The following CSF2RB variants were observed in gnomAD, a reference collection of about 807,000 sequenced individuals.
CSF2RB encodes cytokine receptor common subunit beta.
In CSF2RB, 22 loss-of-function variants were observed where a neutral mutation model predicts 67.2. The ratio of observed to expected loss-of-function variants is 0.33; its 90% CI spans 0.23 to 0.47. CSF2RB has a LOEUF of 0.47. Ranked by LOEUF, CSF2RB falls within the 20% of genes least tolerant of loss-of-function variation. The pLI is 1.00. For synonymous variants in CSF2RB, 507 were observed against 482.9 expected (o/e 1.05, Z -0.65); for missense variants, 1,113 against 1,174.5 (o/e 0.95, Z 0.76).
intron 3 of CSF2RB, among the ~76,000 whole-genome samples, chr22:36,925,188 T>C (rs551029260): frequency 6.6e-6 from 1 of 152,330 alleles, no homozygotes; most frequent in Admixed American, 6.5e-5. Flanking sequence ...GTCTCTTTTG[T>C]CACCATTCCT....
At position 36,930,558 on chromosome 22, in the gene CSF2RB, T is replaced by C. The variant is rs775632483; in HGVS notation, c.854+48T>C. 19 of 1,611,758 alleles carry C rather than the reference T, an allele frequency of 1.2e-5. 1 individual carries two copies. In the South Asian group the frequency reaches 2.0e-4, roughly 17 times the overall value. ...CCCTCCCCTCCTCTTGGCCTTGCTC[T>C]CTCCAAGCTTCCTCCTGTCCCTGGG... On this transcript the variant is annotated intron_variant, in intron 7 of 13. Transcript: ENST00000403662.
chr22:36,932,891 C>T lies in CSF2RB; in HGVS notation c.1139C>T (p.Thr380Met), dbSNP rs772296886. 2.8e-5 allele frequency: 45 copies of T among 1,613,964 alleles called. No individual in the cohort carries two copies. The highest frequency in any genetic ancestry group is 7.7e-5 in the South Asian group (7 of 91,084). Residue 380 changes from threonine (T) to methionine (M), a missense_variant, in exon 9 of 14, where the codon ACG becomes ATG. By Grantham distance (81) the Thr-to-Met change is moderately conservative (BLOSUM62 -1). Coordinates refer to ENST00000403662, the MANE Select transcript of CSF2RB (RefSeq NM_000395.3). ...TTTGAGATCCAGTACAGGAAAGACA[C>T]GGCCACGTGGAAGGTGAGGGCCTTT... ...HTFEIQYRKD[T>M]ATWKDSKTET...
In CSF2RB at chr22:36,929,662, C is replaced by T. The variant is rs140679574; in HGVS notation, c.573C>T (p.Asn191=). ...SWEDAAILLS[N]TSQATLGPEH... ...AGGACGCAGCCATCCTCCTCTCCAA[C>T]ACCTCCCAGGCCACCCTGGGGCCAG... The change falls in exon 6 of 14, where the codon AAC becomes AAT. Residue 191 remains asparagine, a synonymous_variant. Coordinates refer to ENST00000403662, the MANE Select transcript of CSF2RB (RefSeq NM_000395.3). 1,133 of 1,614,242 alleles carry T rather than the reference C, an allele frequency of 7.0e-4. 6 individuals are homozygous for T. The African/African-American group carries it at 0.013, about 18-fold the overall frequency.
rs755780700 is a variant in CSF2RB at position 36,936,634 on chromosome 22, G to A, written c.1550G>A (p.Arg517His). The A allele has an allele frequency of 6.9e-5, 111 of 1,613,244 alleles. 3 individuals are homozygous for A. In the Admixed American group the frequency reaches 1.7e-3, roughly 25 times the overall value. ...CCACACCAGGGGCCGTGGGGCAGCC[G>A]CTTCCCTGAGCTGGAGGGGTGAGTG... is the stretch of plus-strand genomic sequence containing the variant. ...SPPHQGPWGS[R>H]FPELEGVFPV... The change falls in exon 13 of 14, where the codon CGC (arginine) becomes CAC (histidine). Residue 517 changes from arginine to histidine, a missense_variant. Physicochemically the swap from Arg to His is conservative, Grantham distance 29. Transcript: ENST00000403662.
Position 36,935,612 on chromosome 22 carries a change from C to A in CSF2RB, c.1407-18C>A. 1.2e-6 allele frequency: 2 copies of A among 1,614,194 alleles called. No individual in the cohort carries two copies. The stretch of plus-strand genomic sequence containing the variant: ...CCATGAGGTCTCTGATGGCTGTCAC[C>A]TCCGTGGTGTCTTCCAGGCTGCGCA... On this transcript the variant is annotated intron_variant, in intron 11 of 13. Transcript: ENST00000403662.
chr22:36,931,024 C>G (rs1464524385), intron 8 of CSF2RB, among the ~76,000 whole-genome samples, 194 bp downstream of exon 8: 1 of 152,196 alleles, frequency 6.6e-6, no homozygotes, highest in Non-Finnish European at 1.5e-5. Context: ...AGGAGCAGAT[C>G]TTTAAAACCT....
chr22:36,934,526 T>A (rs1168769225), intron 10 of CSF2RB, among the ~76,000 whole-genome samples: 1 of 152,208 alleles, frequency 6.6e-6, no homozygotes, highest in Non-Finnish European at 1.5e-5. Flanking sequence ...TACCAAGTTT[T>A]TGTGGTTGCT....
rs1372705855 is a variant in CSF2RB at position 36,937,121 on chromosome 22, C to G, written c.1569-256C>G. 1.3e-5 allele frequency among the ~76,000 whole-genome samples: 2 copies of G among 152,106 alleles called. No individual in the cohort carries two copies. Among genetic ancestry groups the G allele is most frequent in the African/African-American group, 4.8e-5 (2 of 41,394 alleles). On this transcript the variant is annotated intron_variant, in intron 13 of 13. Coordinates refer to ENST00000403662, the MANE Select transcript of CSF2RB (RefSeq NM_000395.3). This position sits in a 1 kb window ranked among gnomAD's most constrained non-coding sequence, Gnocchi z 4.6. ...CTTTAAGGTCAAAAGGGAGAGGGTA[C>G]CAGCCTTGCAGAGGAAGACCTTGAG...
At position 36,938,222 on chromosome 22, in the gene CSF2RB, CA is replaced by C; in HGVS notation, c.2416del (p.Thr806HisfsTer46). 6.2e-7 allele frequency: 1 copy of C among 1,614,164 alleles called. No homozygotes were observed. Among genetic ancestry groups the C allele is most frequent in the Non-Finnish European group, 8.5e-7 (1 of 1,179,994 alleles). On this transcript the variant is annotated frameshift_variant, in exon 14 of 14. Transcript: ENST00000403662. LOFTEE classifies it low-confidence loss of function (END_TRUNC). Reference sequence around the variant, plus strand: ...GGGGAACGCCCGGCAGATGTGTCCCCAACATCCCCACAGCCCGAGGGCCTCC... The same window carrying C: ...GGGGAACGCCCGGCAGATGTGTCCCCACATCCCCACAGCCCGAGGGCCTCC... The part of the protein sequence containing the change: ...NPGERPADVS[P>X]TSPQPEGLLV...
intron 7 of CSF2RB, 70 bp from the exon 8 acceptor site, chr22:36,930,603 C>T: frequency 6.2e-6 from 10 of 1,611,074 alleles, no homozygotes; most frequent in Non-Finnish European, 5.1e-6. Flanking sequence ...GAAGCCACAG[C>T]CCACCCTAAG....
chr22:36,921,336 T>C (rs57567065), intron 1 of CSF2RB, among the ~76,000 whole-genome samples: 4,118 of 152,030 alleles, frequency 0.027, 184 homozygotes, highest in African/African-American at 0.093. Flanking sequence ...TCTGTGTGTG[T>C]GTCTGTGTGT....
At chr22:36,932,434 C>CAAAA (rs55664200) in intron 8 of CSF2RB, among the ~76,000 whole-genome samples, 16 of 107,412 alleles carry the variant, frequency 1.5e-4, no homozygotes, top group African/African-American at 3.3e-4. Context: ...GACTCCGTCT[C>CAAAA]AAAAAAAAAA....
Position 36,938,377 on chromosome 22 carries a change from G to A in CSF2RB, c.2569G>A (p.Val857Ile). 6.2e-7 allele frequency: 1 copy of A among 1,614,158 alleles called. No homozygotes were observed. ...EIKNLDQAFQ[V>I]KKPPGQAVPQ... Reference sequence around the variant, plus strand: ...CAAGAACCTAGACCAGGCTTTTCAAGTCAAGAAGCCCCCAGGCCAGGCTGT... The same window carrying A: ...CAAGAACCTAGACCAGGCTTTTCAAATCAAGAAGCCCCCAGGCCAGGCTGT... Residue 857 changes from valine to isoleucine, a missense_variant, in exon 14 of 14, where the codon GTC (valine) becomes ATC (isoleucine). Physicochemically the swap from Val to Ile is conservative, Grantham distance 29. Around this residue, in one of 2 missense-constraint regions of CSF2RB, gnomAD observed 554 missense variants for 517.9 expected, o/e 1.07. Transcript: ENST00000403662.
At chr22:36,933,723 G>A in intron 9 of CSF2RB, 109 bp from the exon 10 acceptor site, 4 of 1,417,366 alleles carry the variant, frequency 2.8e-6, no homozygotes, top group Non-Finnish European at 3.8e-6. Flanking sequence ...AGCAGGCCTG[G>A]GGTATGGCAG....
At chr22:36,928,269 TTGAGTTGGC>T (rs1941068103) in intron 4 of CSF2RB, among the ~76,000 whole-genome samples, 1 of 152,146 alleles carries the variant, frequency 6.6e-6, no homozygotes, top group African/African-American at 2.4e-5. Context: ...GAGGTTTCTC[TTGAGTTGGC>T]TGAGCAGGTT....
At chr22:36,921,573 A>G (rs897364610) in intron 1 of CSF2RB, among the ~76,000 whole-genome samples, 4 of 152,128 alleles carry the variant, frequency 2.6e-5, no homozygotes, top group Non-Finnish European at 5.9e-5. Context: ...TACTTCCCAG[A>G]CCAGTGAAAT....
chr22:36,926,271 G>A, intron 4 of CSF2RB, 94 bp downstream of exon 4: 2 of 1,282,670 alleles, frequency 1.6e-6, no homozygotes, highest in Middle Eastern at 2.6e-4. Context: ...GCAGAAGGCT[G>A]TGGCTTGGGG....
chr22:36,937,579 G>C lies in CSF2RB; in HGVS notation c.1771G>C (p.Gly591Arg). The change falls in exon 14 of 14, where the codon GGG (glycine) becomes CGG (arginine). Residue 591 changes from glycine to arginine, a missense_variant. Gly to Arg is a moderately radical substitution (Grantham distance 125). Coordinates refer to ENST00000403662, the MANE Select transcript of CSF2RB (RefSeq NM_000395.3). The surrounding 1 kb of genome is among the most constrained non-coding windows in gnomAD (Gnocchi z 4.6). ...ACAGGCTTCCAGCTTTGACTTCAAT[G>C]GGCCCTACCTGGGGCCGCCCCACAG... Reference protein sequence around the residue: ...EKQASSFDFNGPYLGPPHSRS... With the variant: ...EKQASSFDFNRPYLGPPHSRS... 6.2e-7 allele frequency: 1 copy of C among 1,607,372 alleles called. No homozygotes were observed. The highest frequency in any genetic ancestry group is 8.5e-7 in the Non-Finnish European group (1 of 1,176,980).
chr22:36,928,299 C>G (rs1053999893), intron 4 of CSF2RB, among the ~76,000 whole-genome samples: 1 of 152,134 alleles, frequency 6.6e-6, no homozygotes, highest in African/African-American at 2.4e-5. Context: ...TCTGATGGGG[C>G]TCCCAGTCTG....
Sources: allele counts gnomAD v4.1 joint callset (sites outside exome capture counted in the v4.1 genomes callset), GRCh38; gene constraint gnomAD v4.1.1; regional missense constraint gnomAD v4.1.1; non-coding constraint Gnocchi (gnomAD v3.1); transcripts MANE v1.5; gene names NCBI Gene and HGNC (gene_info 2026-07-23, HGNC 2026-07-21).